IL1RAPL1: variants seen among roughly 807,000 people sequenced by gnomAD.
IL1RAPL1 encodes the protein interleukin-1 receptor accessory protein-like 1.
A neutral mutation model predicts 48.4 loss-of-function variants in IL1RAPL1; 3 were observed. The ratio of observed to expected loss-of-function variants is 0.06; its 90% CI spans 0.03 to 0.16. The LOEUF (loss-of-function observed/expected upper bound fraction) is 0.16, where lower values mean the gene tolerates loss of function less well. Among genes scored for constraint, IL1RAPL1 ranks in the 10% least tolerant of loss-of-function variants. The pLI is 1.00. For missense variants in IL1RAPL1, 349 were observed against 530.6 expected, an observed-to-expected ratio of 0.66 and a Z score of 3.36; for synonymous variants, 185 against 187.7, an observed-to-expected ratio of 0.99 and a Z score of 0.12.
At chrX:29,122,645 G>A (rs1928819523) in intron 2 of IL1RAPL1, among the ~76,000 whole-genome samples, 1 of 111,076 alleles carries the variant, frequency 9.0e-6, no homozygotes. Flanking sequence ...AGCAATGGCA[G>A]AAAAGAAGTA....
At chrX:29,152,240 C>T (rs1014878512) in intron 2 of IL1RAPL1, among the ~76,000 whole-genome samples, 1 of 111,201 alleles carries the variant, frequency 9.0e-6, no homozygotes, top group African/African-American at 3.3e-5. Context: ...TCAACTACCT[C>T]CCACCAGGCC....
chrX:29,943,576 C>A (rs781488021), intron 9 of IL1RAPL1, among the ~76,000 whole-genome samples: 54 of 111,960 alleles, frequency 4.8e-4, no homozygotes, highest in African/African-American at 1.7e-3. Context: ...ATCTAAAGAT[C>A]TACTGTTGTT....
intron 5 of IL1RAPL1, among the ~76,000 whole-genome samples, chrX:29,637,511 A>G (rs1407063968): frequency 2.7e-5 from 3 of 111,459 alleles, no homozygotes; most frequent in African/African-American, 9.8e-5. Flanking sequence ...GTTGATATAT[A>G]TGAATTGGAG....
rs1354294670 is a variant in IL1RAPL1, at chrX:29,531,577, C to T, written c.703+132269C>T. 2.7e-5 allele frequency among the ~76,000 whole-genome samples: 3 copies of T among 111,709 alleles called. No individual in the cohort carries two copies. In the East Asian group the frequency reaches 8.4e-4, roughly 31 times the overall value. ...ACCGAACGCAGAGTCCATAGCTTACCAGTCTCAAAGTGTATTTGTTTCCTA... is the reference window on the plus strand; with the variant it reads ...ACCGAACGCAGAGTCCATAGCTTACTAGTCTCAAAGTGTATTTGTTTCCTA... On this transcript the variant is annotated intron_variant, in intron 5 of 10. Transcript: ENST00000378993.
intron 1 of IL1RAPL1, among the ~76,000 whole-genome samples, chrX:28,588,519 C>T (rs890877848): frequency 3.6e-5 from 4 of 112,041 alleles, no homozygotes; most frequent in Non-Finnish European, 7.5e-5. Flanking sequence ...CAACTCAGTG[C>T]AGCATTCTGC....
At chrX:29,688,754 C>CTCTGTG (rs58405949) in intron 6 of IL1RAPL1, among the ~76,000 whole-genome samples, 1 of 103,902 alleles carries the variant, frequency 9.6e-6, no homozygotes, top group African/African-American at 3.8e-5. Flanking sequence ...CTCTCTCTCT[C>CTCTGTG]TGTGTGTGTC....
chrX:29,029,409 G>A (rs1363998391), intron 2 of IL1RAPL1, among the ~76,000 whole-genome samples: 1 of 111,257 alleles, frequency 9.0e-6, no homozygotes, highest in African/African-American at 3.3e-5. Context: ...TGGGATTGGG[G>A]GAGGGCTCAC....
chrX:28,756,058 T>C (rs1476903415), intron 1 of IL1RAPL1, among the ~76,000 whole-genome samples: 1 of 111,813 alleles, frequency 8.9e-6, no homozygotes, highest in Non-Finnish European at 1.9e-5. Context: ...ATACAGCTTA[T>C]TTATTTCTTC....
chrX:29,553,816 T>C (rs754568213), intron 5 of IL1RAPL1, among the ~76,000 whole-genome samples: 1 of 111,239 alleles, frequency 9.0e-6, no homozygotes, highest in Admixed American at 9.6e-5. Context: ...TACAGATAAC[T>C]GTAGAGGCCA....
intron 2 of IL1RAPL1, among the ~76,000 whole-genome samples, chrX:28,893,442 A>C (rs1008713844): frequency 2.7e-5 from 3 of 111,447 alleles, no homozygotes; most frequent in African/African-American, 9.8e-5. Flanking sequence ...AAACCCACGA[A>C]TTATGTCTGC....
At chrX:28,640,053 C>A (rs976256165) in intron 1 of IL1RAPL1, among the ~76,000 whole-genome samples, 1 of 111,417 alleles carries the variant, frequency 9.0e-6, no homozygotes, top group Admixed American at 9.6e-5. Context: ...CTTCTAGGTC[C>A]CTTGCATTTT....
chrX:29,651,084 A>G (rs778466672), intron 5 of IL1RAPL1, among the ~76,000 whole-genome samples: 211 of 107,164 alleles, frequency 2.0e-3, no homozygotes, highest in African/African-American at 7.0e-3. Flanking sequence ...CTATCACCTC[A>G]CTCCTATTAG....
intron 1 of IL1RAPL1, among the ~76,000 whole-genome samples, chrX:28,748,292 G>A (rs912644075): frequency 2.7e-5 from 3 of 111,928 alleles, no homozygotes; most frequent in Non-Finnish European, 5.6e-5. Context: ...ACATAGGGAA[G>A]AATGAGAAAA....
At chrX:28,600,421 A>G (rs1018208943) in intron 1 of IL1RAPL1, among the ~76,000 whole-genome samples, 1 of 102,639 alleles carries the variant, frequency 9.7e-6, no homozygotes, top group African/African-American at 3.7e-5. Flanking sequence ...TGGAAAATTC[A>G]TGCCTGGAGA....
intron 5 of IL1RAPL1, among the ~76,000 whole-genome samples, chrX:29,406,256 G>C (rs911481649): frequency 9.1e-6 from 1 of 110,401 alleles, no homozygotes; most frequent in Non-Finnish European, 1.9e-5. Context: ...GGGCGTGGTG[G>C]TGGGCGCCTG....
At chrX:28,624,724 T>C (rs1295884199) in intron 1 of IL1RAPL1, among the ~76,000 whole-genome samples, 1 of 111,926 alleles carries the variant, frequency 8.9e-6, no homozygotes, top group Non-Finnish European at 1.9e-5. Context: ...CGGCACAGAG[T>C]ATCAAACTAT....
At chrX:29,118,693 T>C (rs1928723609) in intron 2 of IL1RAPL1, among the ~76,000 whole-genome samples, 1 of 111,626 alleles carries the variant, frequency 9.0e-6, no homozygotes, top group African/African-American at 3.2e-5. Flanking sequence ...GTTTATATAG[T>C]CTAGAACAAT....
intron 2 of IL1RAPL1, among the ~76,000 whole-genome samples, chrX:29,166,890 T>G (rs1156852145): frequency 1.8e-5 from 2 of 111,902 alleles, no homozygotes; most frequent in African/African-American, 6.5e-5. Context: ...CTTCAGCCAA[T>G]TATCTCCTTT....
At chrX:29,937,473 A>T (rs1933051676) in intron 8 of IL1RAPL1, among the ~76,000 whole-genome samples, 1 of 112,164 alleles carries the variant, frequency 8.9e-6, no homozygotes, top group South Asian at 3.7e-4. Flanking sequence ...AACCCAAAGG[A>T]TAAGCAATAA....
Sources: allele counts gnomAD v4.1 joint callset (sites outside exome capture counted in the v4.1 genomes callset), GRCh38; gene constraint gnomAD v4.1.1; transcripts MANE v1.5; gene names NCBI Gene and HGNC (gene_info 2026-07-23, HGNC 2026-07-21).